The following MFSD2A variants were observed in gnomAD, a reference collection of about 807,000 sequenced individuals.
MFSD2A encodes MFSD2 lysolipid transporter A, lysophospholipid.
A neutral mutation model predicts 64.7 loss-of-function variants in MFSD2A; 27 were observed. That is an observed-to-expected ratio of 0.42 (90% CI 0.31 to 0.58). MFSD2A has a LOEUF of 0.58. MFSD2A is among the 20% of genes least tolerant of loss of function. The pLI is 0.18. For synonymous variants in MFSD2A, 258 were observed against 273.4 expected (o/e 0.94, Z 0.55); for missense variants, 474 against 679.5 (o/e 0.70, Z 3.36).
In MFSD2A at chr1:39,968,661, T is replaced by C; in HGVS notation, c.1445T>C (p.Ile482Thr). 6.2e-7 allele frequency: 1 copy of C among 1,614,108 alleles called. No homozygotes were observed. The highest frequency in any genetic ancestry group is 8.5e-7 in the Non-Finnish European group (1 of 1,180,002). The change falls in exon 13 of 14, where the codon ATC (isoleucine) becomes ACC (threonine). Residue 482 changes from isoleucine (I) to threonine (T), a missense_variant. Coordinates refer to ENST00000372811, the MANE Select transcript of MFSD2A (RefSeq NM_032793.5). The surrounding 1 kb of genome is among the most constrained non-coding windows in gnomAD (Gnocchi z 4.4). The part of the protein sequence containing the change: ...MLVTMAPIVL[I>T]LLGLLLFKMY... ...GTGACCATGGCTCCCATAGTTCTCA[T>C]CCTGCTGGGCCTGCTGCTCTTCAAA... is the stretch of plus-strand genomic sequence containing the variant.
rs1303273374 is a variant in MFSD2A at position 39,965,038 on chromosome 1, G to A, written c.354-173G>A. 2.4e-6 allele frequency: 2 copies of A among 836,408 alleles called. No individual in the cohort carries two copies. The highest frequency in any genetic ancestry group is 3.4e-5 in the African/African-American group (2 of 58,056). The allele number at this position is 836,408 out of a possible 1,614,324, so 51.8% of individuals were successfully genotyped here. ...GTTCCCATCTGCCATTCCGGGCTTG[G>A]TCATCAGCCTCTTCCCAGAGGCCCA... On this transcript the variant is annotated intron_variant, in intron 3 of 13. Coordinates refer to ENST00000372811, the MANE Select transcript of MFSD2A (RefSeq NM_032793.5). The surrounding 1 kb of genome is among the most constrained non-coding windows in gnomAD (Gnocchi z 5.5).
At position 39,965,566 on chromosome 1, in the gene MFSD2A, C is replaced by T. The variant is rs747178993; in HGVS notation, c.556+17C>T. 1.9e-6 allele frequency: 3 copies of T among 1,612,686 alleles called. No individual in the cohort carries two copies. Among genetic ancestry groups the T allele is most frequent in the Non-Finnish European group, 2.5e-6 (3 of 1,178,746 alleles). ...CCGCCTATCGTGAGTCTCCCCAGCC[C>T]ACCTGACCCCACCCTCCAGGGACCC... is the stretch of plus-strand genomic sequence containing the variant. On this transcript the variant is annotated intron_variant, in intron 5 of 13. Transcript: ENST00000372811. The surrounding 1 kb of genome is among the most constrained non-coding windows in gnomAD (Gnocchi z 5.5).
Position 39,968,739 on chromosome 1 carries a change from C to G in MFSD2A, c.1523C>G (p.Ala508Gly). Residue 508 changes from alanine (A) to glycine (G), a missense_variant, in exon 13 of 14, where the codon GCA becomes GGA. Transcript: ENST00000372811. The surrounding 1 kb of genome is among the most constrained non-coding windows in gnomAD (Gnocchi z 4.4). ...CGGCAGAATAAGAAGGCCCTGCAGG[C>G]ACTGAGGTGAGTGGGGAGGGGACAG... is the stretch of plus-strand genomic sequence containing the variant. ...RRRQNKKALQ[A>G]LRDEASSSGC... 6.2e-7 allele frequency: 1 copy of G among 1,613,916 alleles called. No individual in the cohort carries two copies. The highest frequency in any genetic ancestry group is 2.2e-5 in the East Asian group (1 of 44,874).
At position 39,966,878 on chromosome 1, in the gene MFSD2A, C is replaced by T. The variant is rs201251882; in HGVS notation, c.873C>T (p.His291=). ...GGGGCCTACGGCTGGTCATGAGCCA[C>T]GGCCCATACATCAAACTTATTACTG... is the stretch of plus-strand genomic sequence containing the variant. ...YFRGLRLVMS[H]GPYIKLITGF... is the part of the protein sequence containing the mutation. The change falls in exon 8 of 14, where the codon CAC becomes CAT. Residue 291 remains histidine (H), a synonymous_variant. Coordinates refer to ENST00000372811, the MANE Select transcript of MFSD2A (RefSeq NM_032793.5). 5.9e-5 allele frequency: 96 copies of T among 1,613,838 alleles called. No homozygotes were observed. The highest frequency in any genetic ancestry group is 3.3e-4 in the Middle Eastern group (2 of 6,062).
intron 3 of MFSD2A, chr1:39,962,643 A>G (rs1645069525): frequency 1.2e-6 from 1 of 849,096 alleles, no homozygotes; most frequent in Non-Finnish European, 1.9e-6. Flanking sequence ...CGGCAGTGGC[A>G]TCCGGGGCCG....
In MFSD2A at chr1:39,958,535, G is replaced by T; in HGVS notation, c.229-166G>T. 1 of 1,032,502 alleles carries T rather than the reference G, an allele frequency of 9.7e-7. No homozygotes were observed. 64.0% of individuals were successfully genotyped at this position (1,032,502 alleles called of 1,614,324 possible). On this transcript the variant is annotated intron_variant, in intron 2 of 13. Transcript: ENST00000372811. The surrounding 1 kb of genome is among the most constrained non-coding windows in gnomAD (Gnocchi z 4.7). The stretch of plus-strand genomic sequence containing the variant: ...CTACTGTTATTGGAGAAATGCTATT[G>T]TCATTATTAACAAGGCAAGTGAAGA...
At position 39,960,336 on chromosome 1, in the gene MFSD2A, G is replaced by A. The variant is rs897856869; in HGVS notation, c.353+1511G>A. ...GCCTCCGGCCTTCAAAGCTCTTCCCGCAACCCCTTCCCCCACTACAGCTTC... is the reference window on the plus strand; with the variant it reads ...GCCTCCGGCCTTCAAAGCTCTTCCCACAACCCCTTCCCCCACTACAGCTTC... On this transcript the variant is annotated intron_variant, in intron 3 of 13. Coordinates refer to ENST00000372811, the MANE Select transcript of MFSD2A (RefSeq NM_032793.5). This position sits in a 1 kb window ranked among gnomAD's most constrained non-coding sequence, Gnocchi z 4.8. 2.0e-5 allele frequency among the ~76,000 whole-genome samples: 3 copies of A among 152,308 alleles called. No individual in the cohort carries two copies. Among genetic ancestry groups the A allele is most frequent in the East Asian group, 3.9e-4 (2 of 5,172 alleles).
Position 39,966,020 on chromosome 1 carries a change from G to A in MFSD2A, c.714+6G>A. On this transcript the variant is annotated splice_donor_region_variant and intron_variant, in intron 6 of 13. Transcript: ENST00000372811. ...CCACCTCACACAGGGAAACGGTGAG[G>A]CCCTGGGCAGGGCAGGGATTTGGGG... The A allele has an allele frequency of 6.2e-7, 1 of 1,614,112 alleles. No homozygotes were observed. The highest frequency in any genetic ancestry group is 8.5e-7 in the Non-Finnish European group (1 of 1,179,954).
chr1:39,968,922 A>G lies in MFSD2A; in HGVS notation c.1529+177A>G, dbSNP rs1486908945. ...GTGGTCTTACCTTTATTCAACAAATACATACTGGCTGCCTACTATGTGCTA... is the reference window on the plus strand; with the variant it reads ...GTGGTCTTACCTTTATTCAACAAATGCATACTGGCTGCCTACTATGTGCTA... On this transcript the variant is annotated intron_variant, in intron 13 of 13. Transcript: ENST00000372811. This position sits in a 1 kb window ranked among gnomAD's most constrained non-coding sequence, Gnocchi z 4.4. Among the ~76,000 whole-genome samples, 1 of 152,248 alleles carries G rather than the reference A, an allele frequency of 6.6e-6. No individual in the cohort carries two copies. The highest frequency in any genetic ancestry group is 1.5e-5 in the Non-Finnish European group (1 of 68,040).
At position 39,965,460 on chromosome 1, in the gene MFSD2A, T is replaced by C. The variant is rs201298557; in HGVS notation, c.478-11T>C. On this transcript the variant is annotated splice_polypyrimidine_tract_variant and intron_variant, in intron 4 of 13. Transcript: ENST00000372811. The surrounding 1 kb of genome is among the most constrained non-coding windows in gnomAD (Gnocchi z 5.5). ...CCGCCTGACCAGCCAATGACCTGTC[T>C]TCTATGCCAGTGTTTCCATGTTCCC... is the stretch of plus-strand genomic sequence containing the variant. The C allele has an allele frequency of 2.5e-5, 40 of 1,614,036 alleles. No homozygotes were observed. Among genetic ancestry groups the C allele is most frequent in the Non-Finnish European group, 3.1e-5 (37 of 1,179,990 alleles).
chr1:39,962,443 T>C (rs1645063626), intron 3 of MFSD2A, among the ~76,000 whole-genome samples: 2 of 152,252 alleles, frequency 1.3e-5, no homozygotes, highest in Non-Finnish European at 2.9e-5. Context: ...TCTCCCAACA[T>C]GTTATATAAC....
In MFSD2A at chr1:39,965,180, C is replaced by T; in HGVS notation, c.354-31C>T. On this transcript the variant is annotated intron_variant, in intron 3 of 13. Coordinates refer to ENST00000372811, the MANE Select transcript of MFSD2A (RefSeq NM_032793.5). The surrounding 1 kb of genome is among the most constrained non-coding windows in gnomAD (Gnocchi z 5.5). ...GGGCCTGGTCCTGGGCTCCAGCCTC[C>T]AGCCTCCACTCACACCCTCCTCTTC... 2 of 1,613,280 alleles carry T rather than the reference C, an allele frequency of 1.2e-6. No individual in the cohort carries two copies. The highest frequency in any genetic ancestry group is 8.5e-7 in the Non-Finnish European group (1 of 1,179,790).
rs567496307 is a variant in MFSD2A at position 39,955,571 on chromosome 1, C to CT, written c.93+187dup. 867 of 719,604 alleles carry CT rather than the reference C, an allele frequency of 1.2e-3. 4 individuals carry two copies. The highest frequency in any genetic ancestry group is 1.6e-3 in the Middle Eastern group (7 of 4,358). The allele number at this position is 719,604 out of a possible 1,614,324, so 44.6% of individuals were successfully genotyped here. A position where few individuals can be genotyped will look rare whatever the true frequency, so the allele number is the denominator to read the frequency against. On this transcript the variant is annotated intron_variant, in intron 1 of 13. Transcript: ENST00000372811. This position sits in a 1 kb window ranked among gnomAD's most constrained non-coding sequence, Gnocchi z 5.9. ...GTGACGGAGAAAAGCTGTGGGCGCC[C>CT]TCGCCCCCCTTTGCTCACCCGCACT...
In MFSD2A at chr1:39,955,488, A is replaced by G. The variant is rs774326174; in HGVS notation, c.93+103A>G. ...GGCCTGGTCAGGGGACCATTGGGAT[A>G]GCCAGGGACAGGAAGCCTACGAGCC... On this transcript the variant is annotated intron_variant, in intron 1 of 13. Transcript: ENST00000372811. This position sits in a 1 kb window ranked among gnomAD's most constrained non-coding sequence, Gnocchi z 5.9. 50 of 1,207,134 alleles carry G rather than the reference A, an allele frequency of 4.1e-5. 1 individual carries two copies. The South Asian group carries it at 6.1e-4, about 15-fold the overall frequency. 74.8% of individuals were successfully genotyped at this position (1,207,134 alleles called of 1,614,324 possible). A position where few individuals can be genotyped will look rare whatever the true frequency, so the allele number is the denominator to read the frequency against.
At position 39,967,880 on chromosome 1, in the gene MFSD2A, C is replaced by T; in HGVS notation, c.1172C>T (p.Ala391Val). 6.2e-7 allele frequency: 1 copy of T among 1,613,808 alleles called. No homozygotes were observed. The highest frequency in any genetic ancestry group is 8.5e-7 in the Non-Finnish European group (1 of 1,179,830). Reference sequence around the variant, plus strand: ...ATTACATATGCGGTAGCTGTGGCAGCTGGCATCAGTGTGGCAGCTGCCTTC... The same window carrying T: ...ATTACATATGCGGTAGCTGTGGCAGTTGGCATCAGTGTGGCAGCTGCCTTC... ...LIITYAVAVAAGISVAAAFLL... is the reference protein window; with the variant it reads ...LIITYAVAVAVGISVAAAFLL... Residue 391 changes from alanine (A) to valine (V), a missense_variant, in exon 11 of 14, where the codon GCT becomes GTT. Coordinates refer to ENST00000372811, the MANE Select transcript of MFSD2A (RefSeq NM_032793.5).
chr1:39,955,432 G>A lies in MFSD2A; in HGVS notation c.93+47G>A. On this transcript the variant is annotated intron_variant, in intron 1 of 13. Coordinates refer to ENST00000372811, the MANE Select transcript of MFSD2A (RefSeq NM_032793.5). The surrounding 1 kb of genome is among the most constrained non-coding windows in gnomAD (Gnocchi z 5.9). ...TGGAGGGCGAGGGGAGGGAGGAGGC[G>A]GAAATGGGGGATCAGGGGCGTCCCG... 3 of 1,493,752 alleles carry A rather than the reference G, an allele frequency of 2.0e-6. No individual in the cohort carries two copies. The highest frequency in any genetic ancestry group is 1.8e-6 in the Non-Finnish European group (2 of 1,115,850). 92.5% of individuals were successfully genotyped at this position (1,493,752 alleles called of 1,614,324 possible).
At position 39,955,657 on chromosome 1, in the gene MFSD2A, G is replaced by A. The variant is rs751982989; in HGVS notation, c.93+272G>A. On this transcript the variant is annotated intron_variant, in intron 1 of 13. Transcript: ENST00000372811. The surrounding 1 kb of genome is among the most constrained non-coding windows in gnomAD (Gnocchi z 5.9). ...TGTGATTCCCCGCTCTGCCTAGCCG[G>A]TTTCCATTCTTCCGTGTTGAGCGGC... The A allele has an allele frequency of 6.6e-5, 44 of 661,726 alleles. No homozygotes were observed. The African/African-American group carries it at 7.6e-4, about 11-fold the overall frequency. 41.0% of individuals were successfully genotyped at this position (661,726 alleles called of 1,614,324 possible).
At chr1:39,957,305 T>C (rs954891289) in intron 2 of MFSD2A, 84 bp downstream of exon 2, 8 of 1,391,980 alleles carry the variant, frequency 5.7e-6, no homozygotes, top group Non-Finnish European at 6.7e-6. Flanking sequence ...CGCTCAGTTT[T>C]CCCCATCTGT....
At position 39,968,833 on chromosome 1, in the gene MFSD2A, TC is replaced by T. The variant is rs1209331944; in HGVS notation, c.1529+89del. The stretch of plus-strand genomic sequence containing the variant: ...GTGTCTCCTGTGGCCAAGTCCAGAC[TC>T]ACCCCCCACACATCTTCTCTGGACA... On this transcript the variant is annotated intron_variant, in intron 13 of 13. Coordinates refer to ENST00000372811, the MANE Select transcript of MFSD2A (RefSeq NM_032793.5). The surrounding 1 kb of genome is among the most constrained non-coding windows in gnomAD (Gnocchi z 4.4). 7.0e-7 allele frequency: 1 copy of T among 1,426,542 alleles called. No homozygotes were observed. The highest frequency in any genetic ancestry group is 2.3e-5 in the East Asian group (1 of 43,322). 88.4% of individuals were successfully genotyped at this position (1,426,542 alleles called of 1,614,324 possible).
Sources: gnomAD v4.1 joint callset for allele counts (sites outside exome capture counted in the v4.1 genomes callset) on GRCh38, gnomAD v4.1.1 for gene constraint, Gnocchi (gnomAD v3.1) non-coding constraint, MANE v1.5 for transcripts, NCBI Gene and HGNC (gene_info 2026-07-23, HGNC 2026-07-21) for gene names.